Variants in GYPC observed in about 807,000 individuals in gnomAD.
The protein encoded by GYPC is glycophorin-C.
In GYPC, 14 loss-of-function variants were observed where a neutral mutation model predicts 12.6. The ratio of observed to expected loss-of-function variants is 1.11; its 90% CI spans 0.74 to 1.74. GYPC has a LOEUF of 1.74. Ranked by LOEUF, GYPC falls within the 40% of genes most tolerant of loss-of-function variation. The pLI, the probability that GYPC is intolerant of heterozygous loss-of-function variation, is 0.00. For missense variants in GYPC, 225 were observed against 172.1 expected (o/e 1.31, Z -1.72); for synonymous variants, 78 against 62.1 (o/e 1.26, Z -1.20).
intron 1 of GYPC, among the ~76,000 whole-genome samples, chr2:126,682,516 C>T (rs1005493349): frequency 6.6e-6 from 1 of 152,156 alleles, no homozygotes; most frequent in Non-Finnish European, 1.5e-5. Context: ...TTCTTGAGAG[C>T]CTGGTTGCCG....
chr2:126,678,412 G>C (rs537816438), intron 1 of GYPC: 1 of 152,240 alleles, frequency 6.6e-6, no homozygotes, highest in Non-Finnish European at 1.5e-5. Context: ...CCTTTCCTGC[G>C]AGCCTGGTCA....
intron 1 of GYPC, among the ~76,000 whole-genome samples, chr2:126,657,358 C>T (rs1021004807): frequency 6.6e-6 from 1 of 152,244 alleles, no homozygotes; most frequent in Admixed American, 6.5e-5. Context: ...GCACTGGGAT[C>T]ATCTGCACTG....
rs748257396 is a variant in GYPC, at chr2:126,693,984, G to T, written c.190+37G>T. Reference sequence around the variant, plus strand: ...TCACAGAGCCCTTCAAGCAGCCAGGGTGGGGGGCCTTGGTGAAAACATCCA... The same window carrying T: ...TCACAGAGCCCTTCAAGCAGCCAGGTTGGGGGGCCTTGGTGAAAACATCCA... On this transcript the variant is annotated intron_variant, in intron 3 of 3. Coordinates refer to ENST00000259254, the MANE Select transcript of GYPC (RefSeq NM_002101.5). The T allele has an allele frequency of 6.5e-6, 9 of 1,381,940 alleles. No individual in the cohort carries two copies. In the East Asian group the frequency reaches 1.4e-4, roughly 21 times the overall value. 85.6% of individuals were successfully genotyped at this position (1,381,940 alleles called of 1,614,324 possible).
chr2:126,682,678 G>A (rs183582661), intron 1 of GYPC, among the ~76,000 whole-genome samples: 16 of 152,348 alleles, frequency 1.1e-4, no homozygotes, highest in Non-Finnish European at 1.8e-4. Flanking sequence ...TGCCCTGCTA[G>A]TGTGCTGAAG....
chr2:126,660,896 G>T (rs910131673), intron 1 of GYPC, among the ~76,000 whole-genome samples: 21 of 152,026 alleles, frequency 1.4e-4, no homozygotes, highest in African/African-American at 5.1e-4. Flanking sequence ...CCCAGCTGGG[G>T]TTCATTTTCA....
intron 2 of GYPC, 75 bp from the exon 3 acceptor site, chr2:126,693,789 G>C: frequency 1.0e-6 from 1 of 974,486 alleles, no homozygotes; most frequent in African/African-American, 1.6e-5. Flanking sequence ...AGCAAAGGAT[G>C]CAGCTTGGGC....
chr2:126,667,031 C>A (rs1440167650), intron 1 of GYPC, among the ~76,000 whole-genome samples: 1 of 152,214 alleles, frequency 6.6e-6, no homozygotes, highest in East Asian at 1.9e-4. Flanking sequence ...ATTTTTAGGA[C>A]TCTGTTCCCA....
intron 1 of GYPC, chr2:126,675,697 A>G (rs1325557907): frequency 3.0e-6 from 3 of 985,064 alleles, no homozygotes; most frequent in East Asian, 2.3e-4. Context: ...GAAAACGCAG[A>G]CTTCTTAGTC....
At chr2:126,666,003 T>C (rs1682667531) in intron 1 of GYPC, among the ~76,000 whole-genome samples, 1 of 152,136 alleles carries the variant, frequency 6.6e-6, no homozygotes, top group South Asian at 2.1e-4. Context: ...CTCAGATCGT[T>C]ACAGCCCTGA....
chr2:126,693,712 T>C lies in GYPC; in HGVS notation c.107-152T>C, dbSNP rs1041104503. The C allele has an allele frequency of 7.0e-6, 5 of 712,420 alleles. No individual in the cohort carries two copies. The African/African-American group carries it at 8.7e-5, about 12-fold the overall frequency. The allele number at this position is 712,420 out of a possible 1,614,324, so 44.1% of individuals were successfully genotyped here. A position where few individuals can be genotyped will look rare whatever the true frequency, so the allele number is the denominator to read the frequency against. Reference sequence around the variant, plus strand: ...TGGTTCCTGGTCTGTGCATCCCTGCTAGGAGCAGTGGGTGCGCCGCACTGC... The same window carrying C: ...TGGTTCCTGGTCTGTGCATCCCTGCCAGGAGCAGTGGGTGCGCCGCACTGC... On this transcript the variant is annotated intron_variant, in intron 2 of 3. Coordinates refer to ENST00000259254, the MANE Select transcript of GYPC (RefSeq NM_002101.5).
chr2:126,659,591 C>G (rs907793171), intron 1 of GYPC, among the ~76,000 whole-genome samples: 4 of 152,014 alleles, frequency 2.6e-5, no homozygotes, highest in Non-Finnish European at 5.9e-5. Flanking sequence ...CTTTTGTTAG[C>G]GAAATTTATT....
intron 2 of GYPC, among the ~76,000 whole-genome samples, chr2:126,693,479 G>C (rs1211996356): frequency 6.6e-6 from 1 of 152,130 alleles, no homozygotes; most frequent in Non-Finnish European, 1.5e-5. Context: ...TGAGACACCT[G>C]GTGTGAGCAT....
intron 1 of GYPC, chr2:126,686,185 G>C: frequency 1.0e-6 from 1 of 985,402 alleles, no homozygotes. Flanking sequence ...ACAGAGGAGT[G>C]TGACTTCCAG....
intron 1 of GYPC, chr2:126,686,650 G>T: frequency 3.0e-6 from 3 of 984,734 alleles, no homozygotes; most frequent in Non-Finnish European, 3.6e-6. Context: ...TGTCTGGTAG[G>T]GTGTTGCAGG....
rs753376344 is a variant in GYPC, at chr2:126,696,121, C to A, written c.366C>A (p.Ser122Arg). The A allele has an allele frequency of 8.1e-6, 13 of 1,613,526 alleles. No homozygotes were observed. Among genetic ancestry groups the A allele is most frequent in the Non-Finnish European group, 1.1e-5 (13 of 1,179,538 alleles). The change falls in exon 4 of 4, where the codon AGC (serine) becomes AGA (arginine). Residue 122 changes from serine to arginine, a missense_variant. Physicochemically the swap from Ser to Arg is moderately radical, Grantham distance 110. Coordinates refer to ENST00000259254, the MANE Select transcript of GYPC (RefSeq NM_002101.5). Reference protein sequence around the residue: ...DPALQDAGDSSRKEYFI With the variant: ...DPALQDAGDSRRKEYFI ...CCCTCCAAGATGCTGGTGATAGCAG[C>A]AGAAAGGAGTACTTTATTTGAGGGA...
chr2:126,695,088 G>A (rs997230292), intron 3 of GYPC, among the ~76,000 whole-genome samples: 3 of 152,188 alleles, frequency 2.0e-5, no homozygotes, highest in African/African-American at 7.2e-5. Context: ...CAGTCCCCAG[G>A]AGGGAATGGG....
chr2:126,666,893 C>A (rs1044789751), intron 1 of GYPC, among the ~76,000 whole-genome samples: 1 of 152,158 alleles, frequency 6.6e-6, no homozygotes, highest in African/African-American at 2.4e-5. Context: ...GGCAGACAGG[C>A]ATTTGGTGCA....
intron 1 of GYPC, chr2:126,686,549 A>G (rs1441406320): frequency 2.0e-6 from 2 of 985,158 alleles, no homozygotes; most frequent in Non-Finnish European, 2.4e-6. Flanking sequence ...AGGCTTTCAA[A>G]CATTCAGCAG....
Position 126,696,444 on chromosome 2 carries a change from C to T in GYPC, c.*302C>T, listed in dbSNP as rs1413128749. On this transcript the variant is annotated 3_prime_UTR_variant, in exon 4 of 4. Coordinates refer to ENST00000259254, the MANE Select transcript of GYPC (RefSeq NM_002101.5). ...CCCCCTGGGCAGTGCAGGACAACATCAGCTCACTGGCAGGAAAGTCCTTGT... is the reference window on the plus strand; with the variant it reads ...CCCCCTGGGCAGTGCAGGACAACATTAGCTCACTGGCAGGAAAGTCCTTGT... 4.9e-6 allele frequency: 2 copies of T among 411,930 alleles called. No individual in the cohort carries two copies. Among genetic ancestry groups the T allele is most frequent in the African/African-American group, 4.1e-5 (2 of 48,946 alleles). 25.5% of individuals were successfully genotyped at this position (411,930 alleles called of 1,614,324 possible). A position where few individuals can be genotyped will look rare whatever the true frequency, so the allele number is the denominator to read the frequency against.
Sources: allele counts gnomAD v4.1 joint callset (sites outside exome capture counted in the v4.1 genomes callset), GRCh38; gene constraint gnomAD v4.1.1; transcripts MANE v1.5; gene names NCBI Gene and HGNC (gene_info 2026-07-23, HGNC 2026-07-21).